Variants in DPY19L2 observed in about 807,000 individuals in gnomAD.
DPY19L2 encodes the protein dpy-19 like 2, also known as probable C-mannosyltransferase DPY19L2.
DPY19L2 carries 34 observed loss-of-function variants against 97.9 expected under a neutral mutation model. The observed-to-expected ratio is 0.35, with a 90% CI of 0.26 to 0.46. DPY19L2 has a LOEUF of 0.46. Ranked by LOEUF, DPY19L2 falls within the 20% of genes least tolerant of loss-of-function variation. DPY19L2 has a pLI of 1.00. For synonymous variants in DPY19L2, 230 were observed against 307.9 expected (o/e 0.75, Z 2.65); for missense variants, 623 against 911.4 (o/e 0.68, Z 4.07).
At chr12:63,649,658 A>G (rs1003010657) in intron 4 of DPY19L2, among the ~76,000 whole-genome samples, 3 of 152,110 alleles carry the variant, frequency 2.0e-5, no homozygotes, top group African/African-American at 7.2e-5. Context: ...TAGACCAATA[A>G]CAAGTTCCAA....
At chr12:63,583,764 C>A (rs767672201) in intron 17 of DPY19L2, 48 bp downstream of exon 17, 3 of 1,595,260 alleles carry the variant, frequency 1.9e-6, no homozygotes, top group Non-Finnish European at 1.7e-6. Context: ...TATCCTCAAA[C>A]TACAATTTAA....
chr12:63,624,311 G>A (rs1048290140), intron 7 of DPY19L2, among the ~76,000 whole-genome samples, 180 bp from the exon 8 acceptor site: 2 of 151,968 alleles, frequency 1.3e-5, no homozygotes, highest in African/African-American at 4.8e-5. Flanking sequence ...TATGTAGACA[G>A]CAATTAACTA....
Position 63,620,527 on chromosome 12 carries a change from G to A in DPY19L2, c.1053+711C>T, listed in dbSNP as rs181924083. Among the ~76,000 whole-genome samples the A allele has an allele frequency of 2.0e-3, 305 of 152,124 alleles. 1 individual carries two copies. The highest frequency in any genetic ancestry group is 7.1e-3 in the African/African-American group (294 of 41,490). Reference sequence around the variant, plus strand: ...TAATACAAAAAGTCTTTCACATGCCGAGCCTTAAAATCTGTCAAACTAACC... The same window carrying A: ...TAATACAAAAAGTCTTTCACATGCCAAGCCTTAAAATCTGTCAAACTAACC... On this transcript the variant is annotated intron_variant, in intron 9 of 21. Transcript: ENST00000324472.
chr12:63,650,206 C>T (rs1331285359), intron 4 of DPY19L2, among the ~76,000 whole-genome samples: 1 of 152,018 alleles, frequency 6.6e-6, no homozygotes, highest in African/African-American at 2.4e-5. Flanking sequence ...AACCCATAGC[C>T]AACACCATAC....
At chr12:63,634,299 A>G (rs1891251113) in intron 6 of DPY19L2, among the ~76,000 whole-genome samples, 2 of 152,162 alleles carry the variant, frequency 1.3e-5, no homozygotes, top group African/African-American at 2.4e-5. Flanking sequence ...TGATGGTAAT[A>G]ACATGTAAGA....
At position 63,620,605 on chromosome 12, in the gene DPY19L2, A is replaced by G. The variant is rs1478187112; in HGVS notation, c.1053+633T>C. Reference sequence around the variant, plus strand: ...TTATTTCATAAAAATCATACCTTTAAGTAAACTTTATTCCCTATTTTGAAA... The same window carrying G: ...TTATTTCATAAAAATCATACCTTTAGGTAAACTTTATTCCCTATTTTGAAA... On this transcript the variant is annotated intron_variant, in intron 9 of 21. Coordinates refer to ENST00000324472, the MANE Select transcript of DPY19L2 (RefSeq NM_173812.5). Among the ~76,000 whole-genome samples, 6 of 152,342 alleles carry G rather than the reference A, an allele frequency of 3.9e-5. 1 individual carries two copies. Among genetic ancestry groups the G allele is most frequent in the African/African-American group, 1.4e-4 (6 of 41,578 alleles).
In DPY19L2 at chr12:63,581,608, T is replaced by C. The variant is rs569670514; in HGVS notation, c.1726-772A>G. Among the ~76,000 whole-genome samples, 1,078 of 143,360 alleles carry C rather than the reference T, an allele frequency of 7.5e-3. 6 individuals are homozygous for C. Among genetic ancestry groups the C allele is most frequent in the African/African-American group, 0.027 (1,024 of 38,134 alleles). 94.0% of individuals were successfully genotyped at this position (143,360 alleles called of 152,430 possible). A position where few individuals can be genotyped will look rare whatever the true frequency, so the allele number is the denominator to read the frequency against. ...AAGCAATATTCCTGCCTCAGCCTCCTGAGTAGCTGGGATTACAGGCACACA... is the reference window on the plus strand; with the variant it reads ...AAGCAATATTCCTGCCTCAGCCTCCCGAGTAGCTGGGATTACAGGCACACA... On this transcript the variant is annotated intron_variant, in intron 18 of 21. Transcript: ENST00000324472.
intron 2 of DPY19L2, among the ~76,000 whole-genome samples, 174 bp downstream of exon 2, chr12:63,665,661 T>A (rs1896250870): frequency 6.6e-6 from 1 of 152,312 alleles, no homozygotes; most frequent in African/African-American, 2.4e-5. Flanking sequence ...ATCTATTTTG[T>A]AAATGCTGTT....
rs748820828 is a variant in DPY19L2 at position 63,583,843 on chromosome 12, T to A, written c.1581-7A>T. 8 of 1,608,242 alleles carry A rather than the reference T, an allele frequency of 5.0e-6. No homozygotes were observed. The South Asian group carries it at 7.7e-5, about 16-fold the overall frequency. On this transcript the variant is annotated splice_region_variant and splice_polypyrimidine_tract_variant and intron_variant, in intron 16 of 21. Coordinates refer to ENST00000324472, the MANE Select transcript of DPY19L2 (RefSeq NM_173812.5). ...GTGTTCAAGGAGCTGTTTTCTAGAA[T>A]AAAACAAAAATATTACCTATTTACT... is the stretch of plus-strand genomic sequence containing the variant.
At chr12:63,576,884 G>A (rs1439898071) in intron 19 of DPY19L2, among the ~76,000 whole-genome samples, 1 of 152,038 alleles carries the variant, frequency 6.6e-6, no homozygotes, top group Non-Finnish European at 1.5e-5. Context: ...CAGATTCAAT[G>A]CAATCCCCAT....
At chr12:63,591,300 T>C (rs941275031) in intron 16 of DPY19L2, among the ~76,000 whole-genome samples, 2 of 152,128 alleles carry the variant, frequency 1.3e-5, no homozygotes, top group African/African-American at 4.8e-5. Flanking sequence ...ACAATTTTTC[T>C]ATAAATCTAA....
At chr12:63,640,138 G>A (rs953918873) in intron 6 of DPY19L2, among the ~76,000 whole-genome samples, 5 of 152,224 alleles carry the variant, frequency 3.3e-5, no homozygotes, top group Middle Eastern at 3.4e-3. Context: ...ACTCATAGGT[G>A]GGAATTGAAC....
At chr12:63,586,932 G>A (rs1881890355) in intron 16 of DPY19L2, among the ~76,000 whole-genome samples, 2 of 152,070 alleles carry the variant, frequency 1.3e-5, no homozygotes, top group African/African-American at 4.8e-5. Flanking sequence ...ATGGCAGAGA[G>A]AAGTACAAAC....
Position 63,617,348 on chromosome 12 carries a change from T to C in DPY19L2, c.1174A>G (p.Met392Val), listed in dbSNP as rs764063855. 16 of 1,591,504 alleles carry C rather than the reference T, an allele frequency of 1.0e-5. No homozygotes were observed. The highest frequency in any genetic ancestry group is 3.4e-5 in the South Asian group (3 of 89,364). ...GAAGAATAATAAGAAGATAAGTACA[T>C]TGAATTTCCAAACATCAAAATGAAA... The part of the protein sequence containing the change: ...LSFILMFGNS[M>V]YLSSYYSSSL... The change falls in exon 11 of 22, where the codon ATG becomes GTG. Residue 392 changes from methionine (M) to valine (V), a missense_variant. Coordinates refer to ENST00000324472, the MANE Select transcript of DPY19L2 (RefSeq NM_173812.5).
chr12:63,580,248 T>C (rs1249922326), intron 19 of DPY19L2, among the ~76,000 whole-genome samples: 3 of 152,146 alleles, frequency 2.0e-5, no homozygotes, highest in Non-Finnish European at 2.9e-5. Flanking sequence ...GCGGTGCTGG[T>C]TAACTCCCCA....
At chr12:63,573,570 C>G (rs752959336) in intron 19 of DPY19L2, among the ~76,000 whole-genome samples, 2 of 152,020 alleles carry the variant, frequency 1.3e-5, no homozygotes, top group Non-Finnish European at 2.9e-5. Flanking sequence ...GAGAAAATAT[C>G]AATATTCAAG....
chr12:63,647,712 C>A (rs1893610559), intron 4 of DPY19L2, among the ~76,000 whole-genome samples: 2 of 152,106 alleles, frequency 1.3e-5, no homozygotes, highest in Non-Finnish European at 2.9e-5. Flanking sequence ...GGAGGATTTG[C>A]ACTATCAATT....
chr12:63,658,959 A>T (rs1262615672), intron 4 of DPY19L2, among the ~76,000 whole-genome samples: 1 of 152,192 alleles, frequency 6.6e-6, no homozygotes, highest in Non-Finnish European at 1.5e-5. Context: ...AGGATGAGGG[A>T]TATGCTCATT....
chr12:63,646,160 C>A (rs1157413393), intron 5 of DPY19L2, among the ~76,000 whole-genome samples: 3 of 152,146 alleles, frequency 2.0e-5, no homozygotes, highest in Non-Finnish European at 4.4e-5. Context: ...CTAACAGCCC[C>A]CTTACAGCAT....
Sources: allele counts gnomAD v4.1 joint callset (sites outside exome capture counted in the v4.1 genomes callset), GRCh38; gene constraint gnomAD v4.1.1; transcripts MANE v1.5; gene names NCBI Gene and HGNC (gene_info 2026-07-23, HGNC 2026-07-21).